The following MTHFD1 variants were observed in gnomAD, a reference collection of about 807,000 sequenced individuals.
MTHFD1 encodes the protein methylenetetrahydrofolate dehydrogenase, cyclohydrolase and formyltetrahydrofolate synthetase 1, also known as C-1-tetrahydrofolate synthase, cytoplasmic.
MTHFD1 carries 44 observed loss-of-function variants against 110.3 expected under a neutral mutation model. The observed-to-expected ratio is 0.40, with a 90% CI of 0.31 to 0.51. The LOEUF is 0.51. MTHFD1 is among the 20% of genes least tolerant of loss of function. The pLI, the probability that MTHFD1 is intolerant of heterozygous loss-of-function variation, is 0.60. For missense variants in MTHFD1, 909 were observed against 1,173.1 expected, an observed-to-expected ratio of 0.77 and a Z score of 3.29; for synonymous variants, 402 against 428.8, an observed-to-expected ratio of 0.94 and a Z score of 0.77.
chr14:64,419,305 G>A, intron 7 of MTHFD1: 1 of 210,104 alleles, frequency 4.8e-6, no homozygotes, highest in Non-Finnish European at 9.6e-6. Context: ...GTCGTGGGCA[G>A]TAGTCTGCTA....
intron 4 of MTHFD1, among the ~76,000 whole-genome samples, chr14:64,414,272 C>T (rs536446885): frequency 6.1e-5 from 9 of 148,368 alleles, no homozygotes; most frequent in African/African-American, 1.7e-4. Context: ...CGTGAGCCAC[C>T]GCACCTGTCC....
At chr14:64,455,428 C>A (rs1417772351) in intron 26 of MTHFD1, among the ~76,000 whole-genome samples, 1 of 152,136 alleles carries the variant, frequency 6.6e-6, no homozygotes, top group Non-Finnish European at 1.5e-5. Context: ...CCATTGCTTT[C>A]TTATCTTACA....
chr14:64,415,722 A>G lies in MTHFD1; in HGVS notation c.461A>G (p.Glu154Gly). 6.2e-7 allele frequency: 1 copy of G among 1,614,110 alleles called. No homozygotes were observed. The change falls in exon 6 of 28, where the codon GAA (glutamate) becomes GGA (glycine). Residue 154 changes from glutamate (E) to glycine (G), a missense_variant. By Grantham distance (98) the Glu-to-Gly change is moderately conservative (BLOSUM62 -2). Around this residue, in one of 3 missense-constraint regions of MTHFD1, gnomAD observed 424 missense variants for 510.4 expected, o/e 0.83. Transcript: ENST00000652337. Reference sequence around the variant, plus strand: ...CCTTGTACGCCTAAGGGATGCTTGGAACTCATCAAAGAGACAGGTAAAAAC... The same window carrying G: ...CCTTGTACGCCTAAGGGATGCTTGGGACTCATCAAAGAGACAGGTAAAAAC... ...FIPCTPKGCL[E>G]LIKETGVPIA...
At position 64,430,241 on chromosome 14, in the gene MTHFD1, C is replaced by G. The variant is rs369288457; in HGVS notation, c.1311+11C>G. 135 of 1,613,002 alleles carry G rather than the reference C, an allele frequency of 8.4e-5. No individual in the cohort carries two copies. The East Asian group carries it at 1.8e-3, about 22-fold the overall frequency. On this transcript the variant is annotated intron_variant, in intron 13 of 27. Transcript: ENST00000652337. ...ATTCCTATGGAAGAGGTAAAGTATT[C>G]TGGGATTTGGCTGAATTAGATCCCC...
chr14:64,410,377 C>T (rs1197509112), intron 2 of MTHFD1, among the ~76,000 whole-genome samples: 1 of 146,202 alleles, frequency 6.8e-6, no homozygotes, highest in African/African-American at 2.6e-5. Flanking sequence ...CAGGCAGGCA[C>T]CACTATGCCT....
In MTHFD1 at chr14:64,421,877, T is replaced by G. The variant is rs538218449; in HGVS notation, c.727+1952T>G. On this transcript the variant is annotated intron_variant, in intron 8 of 27. Coordinates refer to ENST00000652337, the MANE Select transcript of MTHFD1 (RefSeq NM_005956.4). ...CCTGACCTCGTGATCCGCCCACCTT[T>G]GCCTCCCAAAGTGCTGGGATTACAG... Among the ~76,000 whole-genome samples, 36 of 152,218 alleles carry G rather than the reference T, an allele frequency of 2.4e-4. No homozygotes were observed. In the East Asian group the frequency reaches 3.9e-3, roughly 16 times the overall value.
chr14:64,421,897 T>C (rs1032505537), intron 8 of MTHFD1, among the ~76,000 whole-genome samples: 2 of 152,138 alleles, frequency 1.3e-5, no homozygotes, highest in Non-Finnish European at 2.9e-5. Context: ...AGTGCTGGGA[T>C]TACAGGCGTG....
chr14:64,449,991 C>T (rs1035679655), intron 24 of MTHFD1, among the ~76,000 whole-genome samples: 3 of 152,148 alleles, frequency 2.0e-5, no homozygotes, highest in Non-Finnish European at 4.4e-5. Flanking sequence ...GGGGTTTCAC[C>T]ATCTTGGCCA....
At chr14:64,410,419 T>C (rs1208217385) in intron 2 of MTHFD1, among the ~76,000 whole-genome samples, 2 of 128,720 alleles carry the variant, frequency 1.6e-5, no homozygotes, top group African/African-American at 3.1e-5. Context: ...GGGGGGGGGG[T>C]CTCACTATGT....
At chr14:64,388,554 G>A (rs2077781473) in intron 1 of MTHFD1, 86 bp downstream of exon 1, 19 of 1,245,908 alleles carry the variant, frequency 1.5e-5, no homozygotes, top group Non-Finnish European at 2.1e-5. Context: ...TTTTTTGCGG[G>A]AGGGACACTT....
chr14:64,410,603 T>A (rs1004986139), intron 2 of MTHFD1, among the ~76,000 whole-genome samples: 2 of 152,162 alleles, frequency 1.3e-5, no homozygotes, highest in Non-Finnish European at 2.9e-5. Flanking sequence ...AGGGAGGTCC[T>A]TCCACCCTCC....
At chr14:64,449,981 G>T (rs969365508) in intron 24 of MTHFD1, among the ~76,000 whole-genome samples, 1 of 152,140 alleles carries the variant, frequency 6.6e-6, no homozygotes, top group African/African-American at 2.4e-5. Context: ...TAGTAGAGAT[G>T]GGGTTTCACC....
chr14:64,398,543 TCTCAA>T (rs2077874482), intron 1 of MTHFD1, among the ~76,000 whole-genome samples: 1 of 152,190 alleles, frequency 6.6e-6, no homozygotes, highest in Non-Finnish European at 1.5e-5. Flanking sequence ...CCAGACCCTG[TCTCAA>T]AAAATAAAAT....
At chr14:64,427,193 C>A in intron 11 of MTHFD1, 144 bp from the exon 12 acceptor site, 1 of 900,350 alleles carries the variant, frequency 1.1e-6, no homozygotes, top group Non-Finnish European at 1.7e-6. Flanking sequence ...ATAGCTGGGA[C>A]TACAGGCATA....
intron 12 of MTHFD1, among the ~76,000 whole-genome samples, chr14:64,429,858 A>C (rs770968198): frequency 1.3e-5 from 2 of 152,178 alleles, no homozygotes; most frequent in Admixed American, 6.5e-5. Flanking sequence ...TTAAAAGCCA[A>C]AGTAGCTTTA....
intron 12 of MTHFD1, among the ~76,000 whole-genome samples, chr14:64,428,061 T>C (rs1002586153): frequency 6.6e-5 from 10 of 151,984 alleles, no homozygotes; most frequent in Middle Eastern, 3.4e-3. Context: ...ATACTCGCAC[T>C]TTACCTTCAG....
At chr14:64,398,541 TG>T (rs2077874412) in intron 1 of MTHFD1, among the ~76,000 whole-genome samples, 1 of 152,214 alleles carries the variant, frequency 6.6e-6, no homozygotes, top group Non-Finnish European at 1.5e-5. Context: ...AGCCAGACCC[TG>T]TCTCAAAAAA....
At chr14:64,400,762 G>A (rs541518526) in intron 1 of MTHFD1, 31 bp from the exon 2 acceptor site, 76 of 1,396,986 alleles carry the variant, frequency 5.4e-5, no homozygotes, top group South Asian at 2.7e-4. Context: ...GAAACATTCA[G>A]TGTTAACCCC....
At chr14:64,443,391 T>C (rs2078263481) in intron 21 of MTHFD1, among the ~76,000 whole-genome samples, 1 of 152,242 alleles carries the variant, frequency 6.6e-6, no homozygotes, top group South Asian at 2.1e-4. Flanking sequence ...TCAGATCTTC[T>C]CTGGGTCTGG....
Sources: allele counts gnomAD v4.1 joint callset (sites outside exome capture counted in the v4.1 genomes callset), GRCh38; gene constraint gnomAD v4.1.1; regional missense constraint gnomAD v4.1.1; transcripts MANE v1.5; gene names NCBI Gene and HGNC (gene_info 2026-07-23, HGNC 2026-07-21).